The following IMMP2L variants were observed in gnomAD, a reference collection of about 807,000 sequenced individuals.
The protein encoded by IMMP2L is mitochondrial inner membrane protease subunit 2.
IMMP2L carries 18 observed loss-of-function variants against 19.3 expected under a neutral mutation model. That is an observed-to-expected ratio of 0.93 (90% CI 0.64 to 1.38). The LOEUF (loss-of-function observed/expected upper bound fraction) is 1.38. IMMP2L is among the 40% of genes most tolerant of loss of function. IMMP2L has a pLI of 0.00. For missense variants in IMMP2L, 233 were observed against 218.2 expected, an observed-to-expected ratio of 1.07 and a Z score of -0.43; for synonymous variants, 76 against 73.0, an observed-to-expected ratio of 1.04 and a Z score of -0.21.
intron 5 of IMMP2L, among the ~76,000 whole-genome samples, chr7:110,845,141 C>A (rs780175022): frequency 2.0e-5 from 3 of 152,172 alleles, no homozygotes; most frequent in African/African-American, 7.2e-5. Context: ...TTCCTTTCCC[C>A]TTTCACCTTC....
intron 4 of IMMP2L, among the ~76,000 whole-genome samples, chr7:110,945,806 C>T (rs1817194420): frequency 6.6e-6 from 1 of 152,028 alleles, no homozygotes; most frequent in Non-Finnish European, 1.5e-5. Flanking sequence ...AGAATCAGAC[C>T]CTTTACTTTA....
intron 3 of IMMP2L, among the ~76,000 whole-genome samples, chr7:111,361,667 T>C (rs944452411): frequency 6.6e-6 from 1 of 152,092 alleles, no homozygotes; most frequent in Middle Eastern, 3.2e-3. Context: ...GGGATACTAG[T>C]AGCTTTCCAT....
At chr7:110,844,761 T>C (rs1250409867) in intron 5 of IMMP2L, among the ~76,000 whole-genome samples, 3 of 132,050 alleles carry the variant, frequency 2.3e-5, no homozygotes, top group Non-Finnish European at 4.9e-5. Context: ...AGCATGGAAA[T>C]GGCAAGGATG....
intron 3 of IMMP2L, among the ~76,000 whole-genome samples, chr7:111,358,853 G>A (rs1012432626): frequency 6.6e-6 from 1 of 152,106 alleles, no homozygotes; most frequent in Non-Finnish European, 1.5e-5. Flanking sequence ...GATAGTAAAG[G>A]AAGGAGAAGG....
intron 2 of IMMP2L, among the ~76,000 whole-genome samples, chr7:111,512,281 C>A (rs1585443133): frequency 6.6e-6 from 1 of 152,080 alleles, no homozygotes; most frequent in East Asian, 1.9e-4. Context: ...CAGGAAAAAC[C>A]ACATTAGTAT....
intron 3 of IMMP2L, among the ~76,000 whole-genome samples, chr7:111,268,569 C>CTTT (rs762576425): frequency 0.026 from 1,181 of 44,588 alleles, 296 homozygotes; most frequent in Non-Finnish European, 0.038. Context: ...TCACATTTCT[C>CTTT]TTTTTTTTTT....
At chr7:111,262,607 A>C (rs1817432199) in intron 3 of IMMP2L, among the ~76,000 whole-genome samples, 1 of 152,164 alleles carries the variant, frequency 6.6e-6, no homozygotes, top group Non-Finnish European at 1.5e-5. Flanking sequence ...CCGTAGCAAG[A>C]TGTCCCTAGC....
intron 3 of IMMP2L, among the ~76,000 whole-genome samples, chr7:111,435,035 T>C (rs552205967): frequency 5.3e-5 from 8 of 152,006 alleles, no homozygotes; most frequent in South Asian, 4.1e-4. Flanking sequence ...CTAAAAACAA[T>C]AGATGTTGGC....
chr7:110,766,881 T>C (rs986254467), intron 5 of IMMP2L, among the ~76,000 whole-genome samples: 3 of 152,122 alleles, frequency 2.0e-5, no homozygotes, highest in African/African-American at 7.2e-5. Flanking sequence ...AATTAAGTAT[T>C]CAAGGGTGGA....
intron 3 of IMMP2L, among the ~76,000 whole-genome samples, chr7:111,466,240 G>A (rs1194332342): frequency 2.0e-5 from 3 of 152,054 alleles, no homozygotes; most frequent in Middle Eastern, 3.2e-3. Context: ...ACAAGTTAAC[G>A]TTAAATGACA....
chr7:110,665,107 G>A (rs979114709), intron 5 of IMMP2L: 4 of 152,312 alleles, frequency 2.6e-5, no homozygotes, highest in East Asian at 1.9e-4. Flanking sequence ...AAATATTCAC[G>A]AAGGGTAGCA....
chr7:111,029,032 G>A (rs1827142253), intron 3 of IMMP2L, among the ~76,000 whole-genome samples: 1 of 152,086 alleles, frequency 6.6e-6, no homozygotes, highest in Non-Finnish European at 1.5e-5. Context: ...AAAGAATACT[G>A]CTTTAAAAAT....
At chr7:111,155,847 A>G (rs1562864906) in intron 3 of IMMP2L, among the ~76,000 whole-genome samples, 1 of 152,210 alleles carries the variant, frequency 6.6e-6, no homozygotes, top group East Asian at 1.9e-4. Flanking sequence ...CCATTCCAGG[A>G]AGCTTCCCTT....
chr7:111,523,092 G>A (rs1350643048), intron 1 of IMMP2L, among the ~76,000 whole-genome samples: 2 of 151,938 alleles, frequency 1.3e-5, no homozygotes, highest in Non-Finnish European at 2.9e-5. Context: ...AAAGTAGAGA[G>A]TAGAAGGGTA....
chr7:110,938,459 A>AT (rs1204979436), intron 4 of IMMP2L, among the ~76,000 whole-genome samples: 1 of 152,176 alleles, frequency 6.6e-6, no homozygotes, highest in Non-Finnish European at 1.5e-5. Context: ...CAGGAAACAC[A>AT]TTTCTTTACT....
chr7:110,746,725 C>T (rs987254874), intron 5 of IMMP2L, among the ~76,000 whole-genome samples: 1 of 152,058 alleles, frequency 6.6e-6, no homozygotes, highest in Non-Finnish European at 1.5e-5. Flanking sequence ...ACACAATGTA[C>T]CAGAATCTCT....
At chr7:110,773,259 C>G (rs541641419) in intron 5 of IMMP2L, among the ~76,000 whole-genome samples, 1 of 152,066 alleles carries the variant, frequency 6.6e-6, no homozygotes, top group Non-Finnish European at 1.5e-5. Flanking sequence ...TCTATACTGA[C>G]AAAATGTTCA....
At chr7:111,544,988 T>C (rs1028301952) in intron 1 of IMMP2L, among the ~76,000 whole-genome samples, 11 of 152,008 alleles carry the variant, frequency 7.2e-5, no homozygotes, top group African/African-American at 1.7e-4. Context: ...CTCTCTTACA[T>C]TGAGAGAAGC....
chr7:111,119,664 T>C (rs1008276499), intron 3 of IMMP2L, among the ~76,000 whole-genome samples: 3 of 152,224 alleles, frequency 2.0e-5, no homozygotes, highest in African/African-American at 7.2e-5. Context: ...TTAAGTAACA[T>C]GTAAAAGGAT....
Sources: allele counts gnomAD v4.1 joint callset (sites outside exome capture counted in the v4.1 genomes callset), GRCh38; gene constraint gnomAD v4.1.1; transcripts MANE v1.5; gene names NCBI Gene and HGNC (gene_info 2026-07-23, HGNC 2026-07-21).